The following RYR3 variants were observed in gnomAD, a reference collection of about 807,000 sequenced individuals.
The protein encoded by RYR3 is brain ryanodine receptor-calcium release channel.
Under a neutral mutation model 584.3 loss-of-function variants are expected in RYR3, and 207 were observed. That is an observed-to-expected ratio of 0.35 (90% CI 0.32 to 0.40). RYR3 has a LOEUF of 0.40. RYR3 is among the 10% of genes least tolerant of loss of function. RYR3 has a pLI of 1.00. For missense variants in RYR3, 5,616 were observed against 6,089.2 expected, an observed-to-expected ratio of 0.92 and a Z score of 2.59; for synonymous variants, 2,416 against 2,248.5, an observed-to-expected ratio of 1.07 and a Z score of -2.11.
intron 38 of RYR3, among the ~76,000 whole-genome samples, chr15:33,682,474 C>G (rs764663618): frequency 5.9e-5 from 9 of 151,944 alleles, no homozygotes; most frequent in Non-Finnish European, 1.2e-4. Flanking sequence ...GCAGCTTATA[C>G]ATCATATATT....
At chr15:33,754,715 T>C (rs2071647358) in intron 57 of RYR3, among the ~76,000 whole-genome samples, 1 of 152,210 alleles carries the variant, frequency 6.6e-6, no homozygotes, top group South Asian at 2.1e-4. Flanking sequence ...ATTTTTCTTT[T>C]ATTCACAAAA....
At chr15:33,461,982 T>C (rs1001676552) in intron 1 of RYR3, among the ~76,000 whole-genome samples, 6 of 152,194 alleles carry the variant, frequency 3.9e-5, no homozygotes, top group African/African-American at 1.4e-4. Flanking sequence ...GATTTAGTTC[T>C]GAATGGAGCT....
rs536121533 is a variant in RYR3, at chr15:33,636,306, T to C, written c.3382-70T>C. 25 of 1,324,520 alleles carry C rather than the reference T, an allele frequency of 1.9e-5. No homozygotes were observed. The Admixed American group carries it at 2.0e-4, about 10-fold the overall frequency. 82.0% of individuals were successfully genotyped at this position (1,324,520 alleles called of 1,614,324 possible). A position where few individuals can be genotyped will look rare whatever the true frequency, so the allele number is the denominator to read the frequency against. ...TACTAGTTAGGAGATATCGAAGATA[T>C]GGTCATTTCTCCAGCTGCTGGGGCC... On this transcript the variant is annotated intron_variant, in intron 26 of 103. Coordinates refer to ENST00000634891, the MANE Select transcript of RYR3 (RefSeq NM_001036.6).
intron 16 of RYR3, among the ~76,000 whole-genome samples, chr15:33,599,879 G>A (rs1437122471): frequency 6.6e-6 from 1 of 152,200 alleles, no homozygotes; most frequent in Non-Finnish European, 1.5e-5. Flanking sequence ...TAGGCTGTGT[G>A]CTTTTTACAG....
chr15:33,697,027 A>G (rs1032964584), intron 39 of RYR3, among the ~76,000 whole-genome samples: 1 of 152,218 alleles, frequency 6.6e-6, no homozygotes, highest in East Asian at 1.9e-4. Context: ...ATAATCACGT[A>G]GGGTAGCACT....
At chr15:33,860,728 C>G in intron 101 of RYR3, 69 bp downstream of exon 101, 1 of 1,217,090 alleles carries the variant, frequency 8.2e-7, no homozygotes, top group Non-Finnish European at 1.2e-6. Context: ...ATTTTTTAAA[C>G]AATAGGTTTT....
intron 36 of RYR3, among the ~76,000 whole-genome samples, chr15:33,664,716 G>A (rs2063397101): frequency 6.6e-6 from 1 of 151,014 alleles, no homozygotes; most frequent in African/African-American, 2.4e-5. Context: ...TGTTTGGATT[G>A]CTTAGCATGA....
chr15:33,452,979 C>A (rs929196604), intron 1 of RYR3, among the ~76,000 whole-genome samples: 2 of 152,186 alleles, frequency 1.3e-5, no homozygotes, highest in Admixed American at 1.3e-4. Flanking sequence ...AATCTTCATA[C>A]CAACATTTGC....
intron 60 of RYR3, among the ~76,000 whole-genome samples, chr15:33,763,892 C>CAAAAACAAAAAAAAAAAA (rs1555447212): frequency 6.5e-5 from 3 of 45,868 alleles, no homozygotes; most frequent in African/African-American, 2.7e-4. Flanking sequence ...GACTTCATCT[C>CAAAAACAAAAAAAAAAAA]AAAAAAAAAA....
intron 48 of RYR3, among the ~76,000 whole-genome samples, chr15:33,732,678 C>T (rs910882347): frequency 2.0e-5 from 3 of 152,294 alleles, no homozygotes; most frequent in East Asian, 1.9e-4. Context: ...TTCTCACCTG[C>T]ATATCAGAAA....
intron 3 of RYR3, among the ~76,000 whole-genome samples, chr15:33,504,325 T>C (rs1324501449): frequency 6.6e-6 from 1 of 152,188 alleles, no homozygotes; most frequent in East Asian, 1.9e-4. Flanking sequence ...TGGGCAAGAC[T>C]TTGGCCAGAT....
At chr15:33,453,800 GA>G (rs537727639) in intron 1 of RYR3, among the ~76,000 whole-genome samples, 9 of 151,520 alleles carry the variant, frequency 5.9e-5, no homozygotes, top group Admixed American at 1.3e-4. Context: ...GTTTTCATAT[GA>G]AAAAAAAGTT....
At chr15:33,785,054 C>T (rs1250462828) in intron 65 of RYR3, among the ~76,000 whole-genome samples, 2 of 152,198 alleles carry the variant, frequency 1.3e-5, no homozygotes, top group African/African-American at 4.8e-5. Context: ...GGGAGTCAAT[C>T]AAGCCACCTC....
At chr15:33,588,084 G>A (rs756141329) in intron 16 of RYR3, among the ~76,000 whole-genome samples, 2 of 152,220 alleles carry the variant, frequency 1.3e-5, no homozygotes, top group African/African-American at 4.8e-5. Context: ...CAACAGTAAT[G>A]ATAACCAGCA....
chr15:33,781,598 G>A (rs143846883), intron 65 of RYR3, among the ~76,000 whole-genome samples: 2 of 152,092 alleles, frequency 1.3e-5, no homozygotes, highest in South Asian at 2.1e-4. Flanking sequence ...ATTCCCACTC[G>A]CTTCTTGTTA....
chr15:33,491,068 G>C (rs755940340), intron 2 of RYR3, among the ~76,000 whole-genome samples: 1 of 152,114 alleles, frequency 6.6e-6, no homozygotes, highest in Non-Finnish European at 1.5e-5. Flanking sequence ...TCTTATGCAG[G>C]TGGTCTACAG....
Position 33,854,325 on chromosome 15 carries a change from C to G in RYR3, c.13800-64C>G, listed in dbSNP as rs1486271123. On this transcript the variant is annotated intron_variant, in intron 96 of 103. Coordinates refer to ENST00000634891, the MANE Select transcript of RYR3 (RefSeq NM_001036.6). ...TGAGAGAAAAAACTTACTTTTTCCC[C>G]CTTATTGAGCACTTAACTACCTCTT... 3.7e-6 allele frequency: 5 copies of G among 1,367,600 alleles called. No individual in the cohort carries two copies. In the East Asian group the frequency reaches 1.0e-4, roughly 27 times the overall value. 84.7% of individuals were successfully genotyped at this position (1,367,600 alleles called of 1,614,324 possible).
At chr15:33,808,366 G>T (rs2076318628) in intron 70 of RYR3, among the ~76,000 whole-genome samples, 2 of 152,174 alleles carry the variant, frequency 1.3e-5, no homozygotes, top group South Asian at 4.1e-4. Flanking sequence ...TAAGTAGCAG[G>T]CACATTGGAG....
intron 40 of RYR3, among the ~76,000 whole-genome samples, chr15:33,698,644 A>G (rs1366524432): frequency 7.2e-6 from 1 of 139,802 alleles, no homozygotes; most frequent in Non-Finnish European, 1.5e-5. Context: ...GGAAGGGATG[A>G]TTTCTGGTGC....
Sources: gnomAD v4.1 joint callset for allele counts (sites outside exome capture counted in the v4.1 genomes callset) on GRCh38, gnomAD v4.1.1 for gene constraint, MANE v1.5 for transcripts, NCBI Gene and HGNC (gene_info 2026-07-23, HGNC 2026-07-21) for gene names.